The following HUNK variants were observed in gnomAD, a reference collection of about 807,000 sequenced individuals.
HUNK encodes the protein hormonally up-regulated Neu-associated kinase, also known as hormonally up-regulated neu tumor-associated kinase.
A neutral mutation model predicts 61.0 loss-of-function variants in HUNK; 21 were observed. The observed-to-expected ratio is 0.34, with a 90% CI of 0.24 to 0.50. The LOEUF is 0.50. Ranked by LOEUF, HUNK falls within the 20% of genes least tolerant of loss-of-function variation. The pLI is 0.98. For missense variants in HUNK, 772 were observed against 945.7 expected (o/e 0.82, Z 2.41); for synonymous variants, 371 against 386.1 (o/e 0.96, Z 0.46).
chr21:31,928,062 T>C (rs763498875), intron 2 of HUNK, among the ~76,000 whole-genome samples: 8 of 152,186 alleles, frequency 5.3e-5, no homozygotes, highest in Non-Finnish European at 8.8e-5. Flanking sequence ...AACGCTGCTG[T>C]TATTAGGAAA....
Position 31,940,115 on chromosome 21 carries a change from C to T in HUNK, c.555-50C>T. 5.6e-6 allele frequency: 8 copies of T among 1,438,834 alleles called. No individual in the cohort carries two copies. In the South Asian group the frequency reaches 8.6e-5, roughly 16 times the overall value. The allele number at this position is 1,438,834 out of a possible 1,614,324, so 89.1% of individuals were successfully genotyped here. A position where few individuals can be genotyped will look rare whatever the true frequency, so the allele number is the denominator to read the frequency against. ...TCCCTTCAGAAGCAAAATGTAATTC[C>T]ATTATTTCGAATGCTTATCTGAAAT... On this transcript the variant is annotated intron_variant, in intron 2 of 10. Coordinates refer to ENST00000270112, the MANE Select transcript of HUNK (RefSeq NM_014586.2).
At chr21:31,944,575 G>A (rs1470068550) in intron 3 of HUNK, among the ~76,000 whole-genome samples, 2 of 151,802 alleles carry the variant, frequency 1.3e-5, no homozygotes, top group African/African-American at 4.8e-5. Context: ...TATGGGTCTG[G>A]CTGGGTTGAT....
chr21:31,931,588 A>G (rs1031866696), intron 2 of HUNK, among the ~76,000 whole-genome samples: 1 of 151,948 alleles, frequency 6.6e-6, no homozygotes, highest in African/African-American at 2.4e-5. Context: ...CATTAGAGAG[A>G]GCCAGACCCC....
chr21:31,959,374 G>C (rs1447451488), intron 5 of HUNK, among the ~76,000 whole-genome samples: 1 of 152,150 alleles, frequency 6.6e-6, no homozygotes, highest in Non-Finnish European at 1.5e-5. Flanking sequence ...TGCAATTACT[G>C]TCAAGAAATG....
chr21:31,900,785 A>G (rs1254560934), intron 1 of HUNK, among the ~76,000 whole-genome samples: 3 of 152,332 alleles, frequency 2.0e-5, no homozygotes, highest in Middle Eastern at 3.4e-3. Context: ...AGAATTTCCC[A>G]GGGTAGTTTC....
intron 5 of HUNK, among the ~76,000 whole-genome samples, chr21:31,964,144 C>G (rs2052947673): frequency 6.6e-6 from 1 of 152,172 alleles, no homozygotes; most frequent in African/African-American, 2.4e-5. Context: ...CAAGCAGTCA[C>G]TTCAGGTTAT....
intron 1 of HUNK, among the ~76,000 whole-genome samples, chr21:31,910,678 G>A (rs2052539919): frequency 6.6e-6 from 1 of 151,940 alleles, no homozygotes. Context: ...TAATAGAAAC[G>A]GGGTTTTGCC....
At position 31,932,040 on chromosome 21, in the gene HUNK, C is replaced by T. The variant is rs145387891; in HGVS notation, c.554+7280C>T. ...GTGTACATTCATACACCCATGGATG[C>T]GTGCACATGCATGCACACACCCACA... On this transcript the variant is annotated intron_variant, in intron 2 of 10. Transcript: ENST00000270112. 2.5e-3 allele frequency among the ~76,000 whole-genome samples: 381 copies of T among 152,226 alleles called. 2 individuals are homozygous for T. Among genetic ancestry groups the T allele is most frequent in the African/African-American group, 8.8e-3 (365 of 41,544 alleles).
Position 31,998,591 on chromosome 21 carries a change from A to G in HUNK, c.1552A>G (p.Met518Val). Residue 518 changes from methionine (M) to valine (V), a missense_variant, in exon 11 of 11, where the codon ATG (methionine) becomes GTG (valine). Around this residue, in one of 2 missense-constraint regions of HUNK, gnomAD observed 413 missense variants for 444.4 expected, o/e 0.93. Transcript: ENST00000270112. ...SDSNCVASSS[M>V]EFIPVPPPRT... ...TTCCAATTGTGTGGCTTCTTCTTCC[A>G]TGGAGTTCATCCCCGTGCCACCGCC... 1 of 1,612,796 alleles carries G rather than the reference A, an allele frequency of 6.2e-7. No homozygotes were observed. Among genetic ancestry groups the G allele is most frequent in the South Asian group, 1.1e-5 (1 of 90,934 alleles).
Position 31,928,028 on chromosome 21 carries a change from C to A in HUNK, c.554+3268C>A, listed in dbSNP as rs2052672665. Among the ~76,000 whole-genome samples the A allele has an allele frequency of 2.6e-5, 4 of 152,178 alleles. No individual in the cohort carries two copies. In the South Asian group the frequency reaches 8.3e-4, roughly 32 times the overall value. ...CTATTTTTGGCTCTTCCCAACAATA[C>A]CCTTGGGTAGCCTGAGGTGTCATAA... On this transcript the variant is annotated intron_variant, in intron 2 of 10. Transcript: ENST00000270112.
intron 1 of HUNK, among the ~76,000 whole-genome samples, chr21:31,874,339 G>C (rs1159760961): frequency 6.6e-6 from 1 of 150,556 alleles, no homozygotes; most frequent in Non-Finnish European, 1.5e-5. Context: ...TCGGGGGGCG[G>C]GGGGGGCAGG....
chr21:31,995,947 A>T lies in HUNK; in HGVS notation c.1485A>T (p.Lys495Asn). 6.2e-7 allele frequency: 1 copy of T among 1,612,144 alleles called. No homozygotes were observed. Among genetic ancestry groups the T allele is most frequent in the Non-Finnish European group, 8.5e-7 (1 of 1,178,752 alleles). The part of the protein sequence containing the change: ...RKASKSSFPD[K>N]DSFGCRNIFR... ...CCTCCAAGTCCAGCTTCCCCGACAAAGGTGGGTCAGCTCTGGGGACTCTCT... is the reference window on the plus strand; with the variant it reads ...CCTCCAAGTCCAGCTTCCCCGACAATGGTGGGTCAGCTCTGGGGACTCTCT... The change falls in exon 10 of 11, where the codon AAA becomes AAT. Residue 495 changes from lysine (K) to asparagine (N), a missense_variant and splice_region_variant. This residue lies in a region of HUNK where 413 missense variants were observed against 444.4 expected (regional missense o/e 0.93). Transcript: ENST00000270112.
chr21:31,921,101 G>C (rs111271767), intron 1 of HUNK, among the ~76,000 whole-genome samples: 1 of 129,370 alleles, frequency 7.7e-6, no homozygotes, highest in Non-Finnish European at 1.5e-5. Context: ...GCAGGGAGCC[G>C]CCAAGATTGT....
intron 1 of HUNK, among the ~76,000 whole-genome samples, chr21:31,881,201 A>G (rs1313187525): frequency 6.6e-6 from 1 of 152,222 alleles, no homozygotes; most frequent in African/African-American, 2.4e-5. Context: ...GTCAGAGTCC[A>G]GGGCTTTTCA....
Position 31,958,895 on chromosome 21 carries a change from C to A in HUNK, c.799C>A (p.Pro267Thr), listed in dbSNP as rs776863029. 9.3e-6 allele frequency: 15 copies of A among 1,610,552 alleles called. No homozygotes were observed. Among genetic ancestry groups the A allele is most frequent in the Non-Finnish European group, 1.1e-5 (13 of 1,178,778 alleles). The change falls in exon 5 of 11, where the codon CCT (proline) becomes ACT (threonine). Residue 267 changes from proline to threonine, a missense_variant. Around this residue, in one of 2 missense-constraint regions of HUNK, gnomAD observed 359 missense variants for 501.3 expected, o/e 0.72. Transcript: ENST00000270112. ...CGGGACGCTGCCTTTCACGGTGGAG[C>A]CTTTCAGCCTGAGGGCTTTGTACCA... ...LTGTLPFTVE[P>T]FSLRALYQKM...
intron 1 of HUNK, among the ~76,000 whole-genome samples, chr21:31,877,699 G>A (rs1364119581): frequency 6.6e-6 from 1 of 152,178 alleles, no homozygotes; most frequent in African/African-American, 2.4e-5. Context: ...ACCAGATTCT[G>A]AAAAGTACCA....
intron 5 of HUNK, among the ~76,000 whole-genome samples, chr21:31,966,154 A>G (rs970516012): frequency 6.6e-6 from 1 of 152,134 alleles, no homozygotes; most frequent in African/African-American, 2.4e-5. Context: ...GTGAGAATAC[A>G]CAATGTTTGG....
intron 3 of HUNK, among the ~76,000 whole-genome samples, chr21:31,942,291 C>T (rs745683788): frequency 3.3e-5 from 5 of 152,222 alleles, no homozygotes; most frequent in Non-Finnish European, 5.9e-5. Flanking sequence ...CATCCTGTTT[C>T]TTCCCTTTCC....
intron 1 of HUNK, among the ~76,000 whole-genome samples, chr21:31,904,245 C>T (rs1006071790): frequency 4.6e-5 from 7 of 152,040 alleles, no homozygotes; most frequent in African/African-American, 1.7e-4. Flanking sequence ...GTCTACTCTT[C>T]GGGCCCCTTC....
Sources: gnomAD v4.1 joint callset for allele counts (sites outside exome capture counted in the v4.1 genomes callset) on GRCh38, gnomAD v4.1.1 for gene constraint, gnomAD v4.1.1 regional missense constraint, MANE v1.5 for transcripts, NCBI Gene and HGNC (gene_info 2026-07-23, HGNC 2026-07-21) for gene names.